ASAP1: variants seen among roughly 807,000 people sequenced by gnomAD.
ASAP1 encodes arf-GAP with SH3 domain, ANK repeat and PH domain-containing protein 1.
A neutral mutation model predicts 145.2 loss-of-function variants in ASAP1; 43 were observed. The observed-to-expected ratio is 0.30, with a 90% CI of 0.23 to 0.38. ASAP1 has a LOEUF of 0.38. Ranked by LOEUF, ASAP1 falls within the 10% of genes least tolerant of loss-of-function variation. The probability of loss-of-function intolerance (pLI) is 1.00; values close to 1 mark genes in which losing one functional copy is unlikely to be tolerated. For synonymous variants in ASAP1, 546 were observed against 515.5 expected (o/e 1.06, Z -0.80); for missense variants, 1,018 against 1,355.3 (o/e 0.75, Z 3.91).
intron 3 of ASAP1, among the ~76,000 whole-genome samples, chr8:130,277,323 C>G (rs145451278): frequency 6.6e-6 from 1 of 152,058 alleles, no homozygotes; most frequent in East Asian, 1.9e-4. Context: ...CGGCTATAGG[C>G]AACAGGAGAA....
chr8:130,071,716 C>CTCT (rs2097446976), intron 27 of ASAP1, among the ~76,000 whole-genome samples: 1 of 152,116 alleles, frequency 6.6e-6, no homozygotes, highest in Non-Finnish European at 1.5e-5. Flanking sequence ...GTGTATTTAC[C>CTCT]CAGACCACTC....
intron 3 of ASAP1, among the ~76,000 whole-genome samples, chr8:130,315,908 A>T (rs1467806196): frequency 6.6e-6 from 1 of 152,118 alleles, no homozygotes; most frequent in Non-Finnish European, 1.5e-5. Flanking sequence ...GCCTAGATAT[A>T]AATCCCACTT....
intron 3 of ASAP1, among the ~76,000 whole-genome samples, chr8:130,298,556 TA>T (rs1822429046): frequency 6.6e-6 from 1 of 152,196 alleles, no homozygotes; most frequent in African/African-American, 2.4e-5. Context: ...ATGGTCCTTC[TA>T]AAAAGCAAAT....
intron 3 of ASAP1, among the ~76,000 whole-genome samples, chr8:130,272,726 T>G (rs375677758): frequency 3.3e-5 from 5 of 152,226 alleles, no homozygotes; most frequent in Admixed American, 3.3e-4. Context: ...GATGTCACTA[T>G]GTTAACTGAA....
At chr8:130,123,239 T>C (rs1317855385) in intron 18 of ASAP1, among the ~76,000 whole-genome samples, 1 of 152,208 alleles carries the variant, frequency 6.6e-6, no homozygotes, top group Non-Finnish European at 1.5e-5. Flanking sequence ...ATAATTTTGG[T>C]AAATATGGTT....
At chr8:130,304,657 C>G (rs1822883648) in intron 3 of ASAP1, among the ~76,000 whole-genome samples, 1 of 152,140 alleles carries the variant, frequency 6.6e-6, no homozygotes, top group Admixed American at 6.5e-5. Context: ...GTGATGTTTT[C>G]AATTTTACAC....
chr8:130,145,678 A>G (rs1031774768), intron 13 of ASAP1, among the ~76,000 whole-genome samples: 1 of 152,278 alleles, frequency 6.6e-6, no homozygotes. Context: ...GCTCCATGCC[A>G]TATGTTTTAC....
chr8:130,416,019 G>A (rs1162539929), intron 1 of ASAP1, among the ~76,000 whole-genome samples: 1 of 152,146 alleles, frequency 6.6e-6, no homozygotes, highest in Non-Finnish European at 1.5e-5. Flanking sequence ...TCAAAATGAA[G>A]TTTCCCCAGA....
chr8:130,301,354 G>T (rs978850285), intron 3 of ASAP1, among the ~76,000 whole-genome samples: 2 of 152,118 alleles, frequency 1.3e-5, no homozygotes, highest in East Asian at 3.8e-4. Flanking sequence ...AAATCCTGAG[G>T]TGACTCTAAT....
chr8:130,142,219 G>A (rs2097613607), intron 13 of ASAP1, among the ~76,000 whole-genome samples: 2 of 152,172 alleles, frequency 1.3e-5, no homozygotes. Context: ...CTTCTCTTCT[G>A]CGGTCACTCT....
rs185953673 is a variant in ASAP1 at position 130,347,734 on chromosome 8, T to C, written c.186+10283A>G. Among the ~76,000 whole-genome samples the C allele has an allele frequency of 9.9e-5, 15 of 152,254 alleles. No individual in the cohort carries two copies. The East Asian group carries it at 2.9e-3, about 29-fold the overall frequency. ...CCAATCCAATCCTCCTTCCCAGATATCCTCGCCTCAGAATCAGGCAGACAC... is the reference window on the plus strand; with the variant it reads ...CCAATCCAATCCTCCTTCCCAGATACCCTCGCCTCAGAATCAGGCAGACAC... On this transcript the variant is annotated intron_variant, in intron 3 of 29. Coordinates refer to ENST00000518721, the MANE Select transcript of ASAP1 (RefSeq NM_018482.4).
chr8:130,361,871 A>G (rs1826727410), intron 2 of ASAP1: 7 of 797,098 alleles, frequency 8.8e-6, no homozygotes, highest in Non-Finnish European at 1.5e-5. Flanking sequence ...AAGCCAGGAA[A>G]AATGTGCGCA....
chr8:130,146,685 TA>T (rs2097631549), intron 13 of ASAP1, among the ~76,000 whole-genome samples: 1 of 152,160 alleles, frequency 6.6e-6, no homozygotes, highest in East Asian at 1.9e-4. Flanking sequence ...GTGCTTCTTT[TA>T]AAGCCCTGGA....
At position 130,173,645 on chromosome 8, in the gene ASAP1, G is replaced by A. The variant is rs546644690; in HGVS notation, c.747-4578C>T. On this transcript the variant is annotated intron_variant, in intron 9 of 29. Coordinates refer to ENST00000518721, the MANE Select transcript of ASAP1 (RefSeq NM_018482.4). ...TAGCCGGGCGTGGTGGTACATGCCTGTAGTCCCTGCTACTTGGGAGACTGA... is the reference window on the plus strand; with the variant it reads ...TAGCCGGGCGTGGTGGTACATGCCTATAGTCCCTGCTACTTGGGAGACTGA... 3.3e-5 allele frequency among the ~76,000 whole-genome samples: 5 copies of A among 152,068 alleles called. No individual in the cohort carries two copies. The South Asian group carries it at 1.0e-3, about 32-fold the overall frequency.
rs529460281 is a variant in ASAP1 at position 130,228,493 on chromosome 8, G to C, written c.259+8429C>G. Among the ~76,000 whole-genome samples the C allele has an allele frequency of 1.1e-4, 16 of 152,102 alleles. No homozygotes were observed. In the East Asian group the frequency reaches 3.1e-3, roughly 29 times the overall value. On this transcript the variant is annotated intron_variant, in intron 4 of 29. Coordinates refer to ENST00000518721, the MANE Select transcript of ASAP1 (RefSeq NM_018482.4). ...AGGTGGGTGAATAGCTTGAGCCCAG[G>C]CGGTCAAGACCAGCCTGGGAAACAC...
chr8:130,113,098 G>C (rs889051578), intron 23 of ASAP1, among the ~76,000 whole-genome samples: 2 of 152,184 alleles, frequency 1.3e-5, no homozygotes, highest in African/African-American at 4.8e-5. Flanking sequence ...GCCAGAGCTG[G>C]TGGGAAACCT....
chr8:130,284,124 C>G (rs185235740), intron 3 of ASAP1, among the ~76,000 whole-genome samples: 1 of 152,254 alleles, frequency 6.6e-6, no homozygotes, highest in East Asian at 1.9e-4. Context: ...AAACCCATCC[C>G]TGAGAAGAGA....
intron 4 of ASAP1, among the ~76,000 whole-genome samples, chr8:130,227,564 C>T (rs1250289100): frequency 6.6e-6 from 1 of 151,772 alleles, no homozygotes; most frequent in East Asian, 1.9e-4. Context: ...CTGGACTCTC[C>T]AAACTATTTT....
chr8:130,296,284 T>C (rs1488679901), intron 3 of ASAP1, among the ~76,000 whole-genome samples: 3 of 152,196 alleles, frequency 2.0e-5, no homozygotes, highest in African/African-American at 7.2e-5. Flanking sequence ...AAAAAGTAGA[T>C]GTTTGCATTT....
Sources: allele counts gnomAD v4.1 joint callset (sites outside exome capture counted in the v4.1 genomes callset), GRCh38; gene constraint gnomAD v4.1.1; transcripts MANE v1.5; gene names NCBI Gene and HGNC (gene_info 2026-07-23, HGNC 2026-07-21).